The following FAM13A variants were observed in gnomAD, a reference collection of about 807,000 sequenced individuals.
FAM13A encodes protein FAM13A.
Under a neutral mutation model 129.6 loss-of-function variants are expected in FAM13A, and 76 were observed. The ratio of observed to expected loss-of-function variants is 0.59; its 90% confidence interval spans 0.49 to 0.71. FAM13A has a LOEUF of 0.71. Among genes scored for constraint, FAM13A ranks in the 30% least tolerant of loss-of-function variants. The probability of loss-of-function intolerance (pLI) is 0.00; values close to 1 mark genes in which losing one functional copy is unlikely to be tolerated. For missense variants in FAM13A, 1,108 were observed against 1,249.3 expected, an observed-to-expected ratio of 0.89 and a Z score of 1.70; for synonymous variants, 443 against 449.9, an observed-to-expected ratio of 0.98 and a Z score of 0.20.
At chr4:88,913,490 A>G (rs1273908598) in intron 5 of FAM13A, among the ~76,000 whole-genome samples, 1 of 146,594 alleles carries the variant, frequency 6.8e-6, no homozygotes, top group Non-Finnish European at 1.5e-5. Context: ...AGGAAGAAGA[A>G]GAGGAGGAAG....
At chr4:88,916,605 T>C (rs972866535) in intron 5 of FAM13A, among the ~76,000 whole-genome samples, 4 of 152,224 alleles carry the variant, frequency 2.6e-5, no homozygotes, top group Admixed American at 2.6e-4. Context: ...AATTATCCAC[T>C]ACCATATGCA....
intron 6 of FAM13A, among the ~76,000 whole-genome samples, chr4:88,890,306 G>T (rs1464830655): frequency 6.6e-6 from 1 of 152,140 alleles, no homozygotes; most frequent in African/African-American, 2.4e-5. Flanking sequence ...TCAGGTCCAG[G>T]GCAGGTCAGG....
rs2149657476 is a variant in FAM13A at position 88,787,745 on chromosome 4, C to G, written c.1271+8G>C. ...CTCAAGTAAGAGGAAGAATCAATGC[C>G]AACTCACTTGTCTCTCCCATGTCGA... On this transcript the variant is annotated splice_region_variant and intron_variant, in intron 10 of 23. Coordinates refer to ENST00000264344, the MANE Select transcript of FAM13A (RefSeq NM_014883.4). 1 of 1,608,472 alleles carries G rather than the reference C, an allele frequency of 6.2e-7. No homozygotes were observed. Among genetic ancestry groups the G allele is most frequent in the East Asian group, 2.2e-5 (1 of 44,760 alleles).
chr4:88,804,990 C>G (rs188208544), intron 8 of FAM13A, 21 bp downstream of exon 8: 3 of 1,472,474 alleles, frequency 2.0e-6, no homozygotes. Flanking sequence ...TGTAGTAGAC[C>G]AACAAAAATC....
chr4:88,884,447 T>C (rs976880375), intron 6 of FAM13A, among the ~76,000 whole-genome samples: 1 of 152,084 alleles, frequency 6.6e-6, no homozygotes, highest in Non-Finnish European at 1.5e-5. Flanking sequence ...ACAAAATCCA[T>C]CATCGCTTTA....
At chr4:88,757,944 T>C (rs1481151270) in intron 14 of FAM13A, among the ~76,000 whole-genome samples, 1 of 152,188 alleles carries the variant, frequency 6.6e-6, no homozygotes, top group Non-Finnish European at 1.5e-5. Flanking sequence ...TGTATTGGAA[T>C]CAGGTGCACA....
intron 11 of FAM13A, among the ~76,000 whole-genome samples, chr4:88,776,432 T>A (rs1194577851): frequency 6.6e-6 from 1 of 152,174 alleles, no homozygotes; most frequent in Non-Finnish European, 1.5e-5. Context: ...TATGGATTAT[T>A]GGGAGGATTA....
At chr4:89,047,265 G>GT (rs1410329511) in intron 1 of FAM13A, among the ~76,000 whole-genome samples, 4 of 151,752 alleles carry the variant, frequency 2.6e-5, no homozygotes, top group South Asian at 2.1e-4. Flanking sequence ...ATATTAAGTG[G>GT]TTTTTTTTGG....
intron 4 of FAM13A, among the ~76,000 whole-genome samples, chr4:88,951,669 C>G (rs568284422): frequency 4.6e-5 from 7 of 152,332 alleles, no homozygotes; most frequent in African/African-American, 1.4e-4. Flanking sequence ...GTTTTTCCTT[C>G]TTTACTTACT....
At chr4:89,039,155 AAG>A (rs1393879655) in intron 1 of FAM13A, among the ~76,000 whole-genome samples, 4 of 152,334 alleles carry the variant, frequency 2.6e-5, no homozygotes, top group Admixed American at 2.0e-4. Flanking sequence ...AAAAAGTTAA[AAG>A]AGACTGTGAA....
In FAM13A at chr4:88,760,483, G is replaced by A. The variant is rs1292653645; in HGVS notation, c.1579-1582C>T. Among the ~76,000 whole-genome samples, 18 of 76,478 alleles carry A rather than the reference G, an allele frequency of 2.4e-4. 8 individuals carry two copies. The highest frequency in any genetic ancestry group is 5.3e-4 in the Non-Finnish European group (14 of 26,522). The allele number at this position is 76,478 out of a possible 152,430, so 50.2% of individuals were successfully genotyped here. A position where few individuals can be genotyped will look rare whatever the true frequency, so the allele number is the denominator to read the frequency against. On this transcript the variant is annotated intron_variant, in intron 13 of 23. Coordinates refer to ENST00000264344, the MANE Select transcript of FAM13A (RefSeq NM_014883.4). Reference sequence around the variant, plus strand: ...GCCGGGCGTGGTGGCGGGCGCCTGTGGTCCCGGCTACTCGGGAGGCTGAGG... The same window carrying A: ...GCCGGGCGTGGTGGCGGGCGCCTGTAGTCCCGGCTACTCGGGAGGCTGAGG...
intron 6 of FAM13A, among the ~76,000 whole-genome samples, chr4:88,894,546 C>T (rs140615724): frequency 6.6e-6 from 1 of 152,136 alleles, no homozygotes; most frequent in Non-Finnish European, 1.5e-5. Context: ...TTTTTTGATA[C>T]AGAGTCTCAC....
chr4:88,837,718 C>CAAA lies in FAM13A; in HGVS notation c.1007+13299_1007+13301dup, dbSNP rs34184242. Among the ~76,000 whole-genome samples the CAAA allele has an allele frequency of 3.5e-4, 25 of 71,478 alleles. 1 individual carries two copies. The highest frequency in any genetic ancestry group is 5.6e-4 in the African/African-American group (11 of 19,764). The allele number at this position is 71,478 out of a possible 152,430, so 46.9% of individuals were successfully genotyped here. On this transcript the variant is annotated intron_variant, in intron 7 of 23. Coordinates refer to ENST00000264344, the MANE Select transcript of FAM13A (RefSeq NM_014883.4). ...GGGCAACAAGAGGGAAACTCCGTCT[C>CAAA]AAAAAAAAAAAAAAAAAAAAAGCAA...
chr4:88,851,282 A>T, intron 6 of FAM13A, 99 bp from the exon 7 acceptor site: 1 of 1,138,790 alleles, frequency 8.8e-7, no homozygotes. Flanking sequence ...CAATTTTGCA[A>T]TAATCCAATT....
intron 6 of FAM13A, among the ~76,000 whole-genome samples, chr4:88,899,423 T>C (rs1746889785): frequency 6.6e-6 from 1 of 151,952 alleles, no homozygotes; most frequent in African/African-American, 2.4e-5. Flanking sequence ...ATCTCACAAA[T>C]CACCACTAAA....
intron 13 of FAM13A, 145 bp from the exon 14 acceptor site, chr4:88,759,046 G>GC (rs1156494901): frequency 5.0e-6 from 4 of 807,990 alleles, no homozygotes; most frequent in Admixed American, 2.9e-5. Flanking sequence ...ATGGCTTGAT[G>GC]CCCCCCGGAT....
intron 4 of FAM13A, among the ~76,000 whole-genome samples, chr4:88,958,867 G>A (rs1758175950): frequency 6.6e-6 from 1 of 152,204 alleles, no homozygotes; most frequent in Non-Finnish European, 1.5e-5. Context: ...CATGGGGGCT[G>A]TACCCTGCAA....
At chr4:88,823,379 T>G in intron 7 of FAM13A, 1 of 950,710 alleles carries the variant, frequency 1.1e-6, no homozygotes, top group Non-Finnish European at 1.3e-6. Context: ...CCTCCTCCTC[T>G]TCCTCCTCCT....
chr4:88,933,577 C>T (rs1753384383), intron 5 of FAM13A, among the ~76,000 whole-genome samples: 1 of 152,152 alleles, frequency 6.6e-6, no homozygotes, highest in African/African-American at 2.4e-5. Context: ...TTCCTGTTTT[C>T]AGCCCCTATT....
Sources: gnomAD v4.1 joint callset for allele counts (sites outside exome capture counted in the v4.1 genomes callset) on GRCh38, gnomAD v4.1.1 for gene constraint, MANE v1.5 for transcripts, NCBI Gene and HGNC (gene_info 2026-07-23, HGNC 2026-07-21) for gene names.